FAAH2: variants seen among roughly 807,000 people sequenced by gnomAD.
FAAH2 encodes the protein fatty acid amide hydrolase 2, also known as fatty-acid amide hydrolase 2.
In FAAH2, 60 loss-of-function variants were observed where a neutral mutation model predicts 36.9. The observed-to-expected ratio is 1.63, with a 90% CI of 1.32 to 2.02. FAAH2 has a LOEUF of 2.02. Ranked by LOEUF, FAAH2 falls within the 30% of genes most tolerant of loss-of-function variation. FAAH2 has a pLI of 0.00. For synonymous variants in FAAH2, 214 were observed against 143.8 expected, an observed-to-expected ratio of 1.49 and a Z score of -3.49; for missense variants, 689 against 397.5, an observed-to-expected ratio of 1.73 and a Z score of -6.23.
At chrX:57,279,334 C>T in the FAAH2 span, among the ~76,000 whole-genome samples, 5 of 112,354 alleles carry the variant, frequency 4.5e-5, no homozygotes, top group Admixed American at 4.7e-4. Context: ...CCATAATTCT[C>T]AGCAAACTAT....
intron 7 of FAAH2, 151 bp from the exon 8 acceptor site, chrX:57,431,767 T>TTTTTTTTG (rs1227635506): frequency 2.9e-5 from 5 of 173,851 alleles, no homozygotes; most frequent in African/African-American, 2.7e-4. Flanking sequence ...GTTTTTGTTT[T>TTTTTTTTG]TTTGTTTTTT....
At chrX:57,253,312 T>C in the FAAH2 span, among the ~76,000 whole-genome samples, 1 of 109,853 alleles carries the variant, frequency 9.1e-6, no homozygotes, top group African/African-American at 3.3e-5. Context: ...CTGAAAGTAA[T>C]GGGGAGAATG....
chrX:57,382,022 C>G (rs906796910), intron 7 of FAAH2, among the ~76,000 whole-genome samples: 1 of 111,537 alleles, frequency 9.0e-6, no homozygotes, highest in Non-Finnish European at 1.9e-5. Context: ...TTAAGAAACT[C>G]GCTCAAAACC....
At chrX:57,316,001 C>G (rs1602247419) in intron 3 of FAAH2, among the ~76,000 whole-genome samples, 2 of 111,577 alleles carry the variant, frequency 1.8e-5, no homozygotes, top group Non-Finnish European at 3.8e-5. Flanking sequence ...CTTAGAAAAT[C>G]CTAAAGACTC....
chrX:57,163,557 C>G, the FAAH2 span, among the ~76,000 whole-genome samples: 1 of 112,109 alleles, frequency 8.9e-6, no homozygotes, highest in Non-Finnish European at 1.9e-5. Flanking sequence ...GAGATATAAT[C>G]TCGTGGTGCG....
intron 7 of FAAH2, among the ~76,000 whole-genome samples, chrX:57,415,353 T>G (rs1449047601): frequency 8.9e-6 from 1 of 111,965 alleles, no homozygotes; most frequent in Non-Finnish European, 1.9e-5. Context: ...CTTTCTCCTT[T>G]GGGCATTTAG....
the FAAH2 span, among the ~76,000 whole-genome samples, chrX:57,234,544 A>G: frequency 8.9e-6 from 1 of 111,790 alleles, no homozygotes; most frequent in South Asian, 3.7e-4. Context: ...GGGATGCCTG[A>G]GCTTCTTTTC....
the FAAH2 span, among the ~76,000 whole-genome samples, chrX:57,268,034 T>C: frequency 8.9e-6 from 1 of 112,081 alleles, no homozygotes; most frequent in Non-Finnish European, 1.9e-5. Context: ...ATTCAGAATA[T>C]TGATAGGAGC....
intron 10 of FAAH2, among the ~76,000 whole-genome samples, chrX:57,456,114 A>G (rs1322161195): frequency 8.9e-6 from 1 of 112,207 alleles, no homozygotes; most frequent in Non-Finnish European, 1.9e-5. Context: ...CTCTCAGACC[A>G]TAGTGCAATA....
At chrX:57,235,024 C>G in the FAAH2 span, among the ~76,000 whole-genome samples, 4 of 111,393 alleles carry the variant, frequency 3.6e-5, no homozygotes, top group Non-Finnish European at 5.7e-5. Flanking sequence ...GGTGACAGAG[C>G]AAGACTCTGT....
At chrX:57,168,412 A>T in the FAAH2 span, among the ~76,000 whole-genome samples, 1 of 111,337 alleles carries the variant, frequency 9.0e-6, no homozygotes, top group Non-Finnish European at 1.9e-5. Flanking sequence ...ACACACACAC[A>T]AACACACATT....
At chrX:57,376,139 C>G (rs2054669901) in intron 5 of FAAH2, among the ~76,000 whole-genome samples, 1 of 111,366 alleles carries the variant, frequency 9.0e-6, no homozygotes, top group Non-Finnish European at 1.9e-5. Flanking sequence ...TGTACTATAT[C>G]TATACAATCT....
chrX:57,472,640 T>C (rs1281199797), intron 10 of FAAH2, among the ~76,000 whole-genome samples: 2 of 111,545 alleles, frequency 1.8e-5, no homozygotes, highest in Non-Finnish European at 3.8e-5. Context: ...TATTACTGAT[T>C]AGATTAGTGA....
chrX:57,245,407 C>G, the FAAH2 span, among the ~76,000 whole-genome samples: 1 of 111,849 alleles, frequency 8.9e-6, no homozygotes, highest in Non-Finnish European at 1.9e-5. Flanking sequence ...ACTCTCCACC[C>G]CAAATCAACA....
At chrX:57,152,237 G>A in the FAAH2 span, among the ~76,000 whole-genome samples, 14 of 112,351 alleles carry the variant, frequency 1.2e-4, no homozygotes, top group South Asian at 3.7e-4. Context: ...TGAGCAGGCC[G>A]TCTGCCAGTC....
the FAAH2 span, among the ~76,000 whole-genome samples, chrX:57,141,145 A>C: frequency 2.2e-3 from 251 of 111,909 alleles, 1 homozygote; most frequent in Non-Finnish European, 2.6e-3. Flanking sequence ...TTTTTTCATG[A>C]AACGATGTTA....
At chrX:57,451,957 T>A (rs2056791474) in intron 10 of FAAH2, among the ~76,000 whole-genome samples, 1 of 112,625 alleles carries the variant, frequency 8.9e-6, no homozygotes, top group South Asian at 3.6e-4. Context: ...ATGTTTCATA[T>A]CATTGTATCT....
At chrX:57,419,891 T>C (rs1184574471) in intron 7 of FAAH2, among the ~76,000 whole-genome samples, 2 of 111,960 alleles carry the variant, frequency 1.8e-5, no homozygotes, top group Non-Finnish European at 3.8e-5. Flanking sequence ...GAATTGATTT[T>C]TGTATAAGGT....
chrX:57,183,705 A>G, the FAAH2 span, among the ~76,000 whole-genome samples: 1 of 111,587 alleles, frequency 9.0e-6, no homozygotes, highest in Non-Finnish European at 1.9e-5. Flanking sequence ...AACTGTACAA[A>G]TTGATTGTAA....
Sources: allele counts gnomAD v4.1 joint callset (sites outside exome capture counted in the v4.1 genomes callset), GRCh38; gene constraint gnomAD v4.1.1; transcripts MANE v1.5; gene names NCBI Gene and HGNC (gene_info 2026-07-23, HGNC 2026-07-21).